Variants in IRF2 observed in about 807,000 individuals in gnomAD.
The protein encoded by IRF2 is interferon regulatory factor 2.
IRF2 carries 15 observed loss-of-function variants against 40.6 expected under a neutral mutation model. That is an observed-to-expected ratio of 0.37 (90% confidence interval 0.25 to 0.57). IRF2 has a LOEUF of 0.57. IRF2 is among the 20% of genes least tolerant of loss of function. IRF2 has a pLI of 0.77. For synonymous variants in IRF2, 151 were observed against 165.5 expected (o/e 0.91, Z 0.67); for missense variants, 317 against 455.7 (o/e 0.70, Z 2.77).
intron 5 of IRF2, among the ~76,000 whole-genome samples, chr4:184,416,223 C>A (rs13122827): frequency 6.7e-6 from 1 of 149,130 alleles, no homozygotes; most frequent in Non-Finnish European, 1.5e-5. Flanking sequence ...GAGGCTGAGG[C>A]GGGAGGATCA....
At chr4:184,445,096 G>A (rs1012446872) in intron 1 of IRF2, among the ~76,000 whole-genome samples, 8 of 151,960 alleles carry the variant, frequency 5.3e-5, no homozygotes, top group African/African-American at 1.9e-4. Flanking sequence ...GACAGTCAGA[G>A]TTCCCCGTTC....
In IRF2 at chr4:184,418,501, T is replaced by C. The variant is rs201024517; in HGVS notation, c.364+31A>G. 23 of 1,600,794 alleles carry C rather than the reference T, an allele frequency of 1.4e-5. 1 individual carries two copies. The highest frequency in any genetic ancestry group is 1.7e-4 in the Middle Eastern group (1 of 6,048). The stretch of plus-strand genomic sequence containing the variant: ...CGAAGGCACGATGACACAAATTGAT[T>C]TACCTTATTTTAGTCTGTAAATGCC... On this transcript the variant is annotated intron_variant, in intron 4 of 8. Coordinates refer to ENST00000393593, the MANE Select transcript of IRF2 (RefSeq NM_002199.4).
intron 2 of IRF2, among the ~76,000 whole-genome samples, chr4:184,423,154 G>A (rs746113461): frequency 7.9e-5 from 12 of 152,160 alleles, no homozygotes; most frequent in East Asian, 1.9e-4. Flanking sequence ...GGGACATGAC[G>A]GTGTTGCTAT....
At position 184,388,710 on chromosome 4, in the gene IRF2, C is replaced by G. The variant is rs762602819; in HGVS notation, c.*48G>C. ...AAAAAAATAAAATACAAACAAACAA[C>G]AAAACAAAGCCAAGAAGCCCCAACA... is the stretch of plus-strand genomic sequence containing the variant. On this transcript the variant is annotated 3_prime_UTR_variant, in exon 9 of 9. Coordinates refer to ENST00000393593, the MANE Select transcript of IRF2 (RefSeq NM_002199.4). This position sits in a 1 kb window ranked among gnomAD's most constrained non-coding sequence, Gnocchi z 4.6. 1.9e-6 allele frequency: 3 copies of G among 1,551,486 alleles called. 1 individual carries two copies. In the South Asian group the frequency reaches 3.6e-5, roughly 19 times the overall value.
intron 1 of IRF2, among the ~76,000 whole-genome samples, chr4:184,465,329 C>T (rs1480949112): frequency 1.3e-5 from 2 of 152,176 alleles, no homozygotes; most frequent in East Asian, 1.9e-4. Context: ...GCCTCCTCCT[C>T]GGCAGCACCC....
intron 7 of IRF2, 35 bp from the exon 8 acceptor site, chr4:184,390,784 C>T (rs1458150014): frequency 6.2e-7 from 1 of 1,612,782 alleles, no homozygotes; most frequent in South Asian, 1.1e-5. Flanking sequence ...GGCCATCATT[C>T]CTGTCCCTCA....
intron 7 of IRF2, among the ~76,000 whole-genome samples, chr4:184,398,465 T>C (rs983607953): frequency 2.0e-5 from 3 of 151,996 alleles, no homozygotes; most frequent in African/African-American, 7.3e-5. Flanking sequence ...GAGACCAGCC[T>C]GGCCAACATG....
intron 1 of IRF2, among the ~76,000 whole-genome samples, chr4:184,443,745 G>A (rs1263156640): frequency 6.6e-6 from 1 of 152,106 alleles, no homozygotes; most frequent in African/African-American, 2.4e-5. Context: ...GGAATTGCTG[G>A]GTTGAATGGC....
intron 1 of IRF2, among the ~76,000 whole-genome samples, chr4:184,466,068 T>G (rs1320526136): frequency 7.1e-5 from 4 of 56,252 alleles, no homozygotes; most frequent in Admixed American, 4.8e-4. Flanking sequence ...TTGTTTTTTG[T>G]TTTTTTTTTG....
chr4:184,446,089 CAGAAGGT>C (rs1738498559), intron 1 of IRF2, among the ~76,000 whole-genome samples: 1 of 152,204 alleles, frequency 6.6e-6, no homozygotes, highest in African/African-American at 2.4e-5. Flanking sequence ...TAGCAGCCAC[CAGAAGGT>C]AGGAGAGAGG....
At chr4:184,449,685 G>A (rs776598512) in intron 1 of IRF2, among the ~76,000 whole-genome samples, 8 of 152,182 alleles carry the variant, frequency 5.3e-5, no homozygotes, top group Non-Finnish European at 1.0e-4. Flanking sequence ...CAGGCAGTCG[G>A]GGATACCTTA....
At chr4:184,410,767 A>C (rs1300892017) in intron 5 of IRF2, among the ~76,000 whole-genome samples, 1 of 152,230 alleles carries the variant, frequency 6.6e-6, no homozygotes, top group African/African-American at 2.4e-5. Context: ...AAAAAGCTAA[A>C]TTAATTCTGA....
intron 1 of IRF2, among the ~76,000 whole-genome samples, chr4:184,444,299 G>A (rs945600556): frequency 3.9e-5 from 6 of 152,152 alleles, no homozygotes; most frequent in Admixed American, 3.9e-4. Flanking sequence ...CCCTGGTGCT[G>A]GTCACCATCT....
At chr4:184,432,851 A>G (rs985219540) in intron 1 of IRF2, among the ~76,000 whole-genome samples, 1 of 152,200 alleles carries the variant, frequency 6.6e-6, no homozygotes, top group African/African-American at 2.4e-5. Context: ...GATTCTCCCC[A>G]AGACCCTTGA....
chr4:184,447,601 G>A (rs1327888317), intron 1 of IRF2, among the ~76,000 whole-genome samples: 13 of 152,158 alleles, frequency 8.5e-5, no homozygotes, highest in Non-Finnish European at 1.9e-4. Flanking sequence ...TCATGGAGAA[G>A]GCTGACTGAT....
intron 5 of IRF2, among the ~76,000 whole-genome samples, chr4:184,411,739 G>A (rs902011725): frequency 6.6e-6 from 1 of 152,018 alleles, no homozygotes; most frequent in Non-Finnish European, 1.5e-5. Flanking sequence ...AAGAAAAGGG[G>A]TGTGGAGTTC....
Position 184,419,569 on chromosome 4 carries a change from CTGA to C in IRF2, c.88-4_88-2del. 1.0e-6 allele frequency: 1 copy of C among 967,624 alleles called. No individual in the cohort carries two copies. Among genetic ancestry groups the C allele is most frequent in the South Asian group, 1.6e-5 (1 of 63,174 alleles). The allele number at this position is 967,624 out of a possible 1,614,324, so 59.9% of individuals were successfully genotyped here. A position where few individuals can be genotyped will look rare whatever the true frequency, so the allele number is the denominator to read the frequency against. ...AGGGGATCTGAAAAATCTTCTTTTC[CTGA>C]AAAAAAAAAAAAAAAAAAAGGTAAA... On this transcript the variant is annotated splice_acceptor_variant and splice_polypyrimidine_tract_variant and intron_variant, in intron 2 of 8. Coordinates refer to ENST00000393593, the MANE Select transcript of IRF2 (RefSeq NM_002199.4). LOFTEE classifies it high-confidence loss of function.
At chr4:184,430,200 G>C (rs1424601930) in intron 1 of IRF2, among the ~76,000 whole-genome samples, 1 of 151,966 alleles carries the variant, frequency 6.6e-6, no homozygotes, top group Non-Finnish European at 1.5e-5. Context: ...TCTATTCCCT[G>C]CGCCCAGAAC....
Position 184,436,567 on chromosome 4 carries a change from T to C in IRF2, c.-6-7497A>G, listed in dbSNP as rs372053434. Reference sequence around the variant, plus strand: ...AGTTCATAAGGAATACATAAATCATTGTTAAATGGGCATATAAGAGAAAGC... The same window carrying C: ...AGTTCATAAGGAATACATAAATCATCGTTAAATGGGCATATAAGAGAAAGC... On this transcript the variant is annotated intron_variant, in intron 1 of 8. Transcript: ENST00000393593. Among the ~76,000 whole-genome samples, 19 of 152,330 alleles carry C rather than the reference T, an allele frequency of 1.2e-4. 1 individual carries two copies. The highest frequency in any genetic ancestry group is 4.3e-4 in the African/African-American group (18 of 41,578).
Sources: allele counts gnomAD v4.1 joint callset (sites outside exome capture counted in the v4.1 genomes callset), GRCh38; gene constraint gnomAD v4.1.1; non-coding constraint Gnocchi (gnomAD v3.1); transcripts MANE v1.5; gene names NCBI Gene and HGNC (gene_info 2026-07-23, HGNC 2026-07-21).